The following IGSF22 variants were observed in gnomAD, a reference collection of about 807,000 sequenced individuals.
IGSF22 encodes the protein immunoglobulin superfamily, member 22.
Under a neutral mutation model 127.0 loss-of-function variants are expected in IGSF22, and 119 were observed. The observed-to-expected ratio is 0.94, with a 90% CI of 0.81 to 1.09. The LOEUF is 1.09. IGSF22 is among the 50% of genes least tolerant of loss of function. The pLI, the probability that IGSF22 is intolerant of heterozygous loss-of-function variation, is 0.00. For synonymous variants in IGSF22, 568 were observed against 664.7 expected (o/e 0.85, Z 2.24); for missense variants, 1,518 against 1,716.6 (o/e 0.88, Z 2.04).
rs1401526510 is a variant in IGSF22 at position 18,712,267 on chromosome 11, A to G, written c.2213T>C (p.Val738Ala). 1 of 1,551,566 alleles carries G rather than the reference A, an allele frequency of 6.4e-7. No individual in the cohort carries two copies. The highest frequency in any genetic ancestry group is 8.7e-7 in the Non-Finnish European group (1 of 1,146,984). Residue 738 changes from valine (V) to alanine (A), a missense_variant, in exon 15 of 23, where the codon GTG becomes GCG. Physicochemically the swap from Val to Ala is moderately conservative, Grantham distance 64. Around this residue, in one of 3 missense-constraint regions of IGSF22, gnomAD observed 1,456 missense variants for 1,644.9 expected, o/e 0.89. Coordinates refer to ENST00000513874, the MANE Select transcript of IGSF22 (RefSeq NM_173588.4). ...NGGRPVTQFI[V>A]ERRAVGKKSW... ...CTTCTTGCCAACTGCCCTCCGTTCCACTATGAACTGTGTCACAGGTCGTCC... is the reference window on the plus strand; with the variant it reads ...CTTCTTGCCAACTGCCCTCCGTTCCGCTATGAACTGTGTCACAGGTCGTCC...
In IGSF22 at chr11:18,720,061, C is replaced by T; in HGVS notation, c.518+3G>A. The T allele has an allele frequency of 6.2e-7, 1 of 1,614,072 alleles. No homozygotes were observed. The highest frequency in any genetic ancestry group is 8.5e-7 in the Non-Finnish European group (1 of 1,180,018). On this transcript the variant is annotated splice_donor_region_variant and intron_variant, in intron 6 of 22. Transcript: ENST00000513874. ...CTTGGGCAGAAGGACCTGCCAGCCT[C>T]ACCTCTTCTTCAGCATCTTTTTGAA...
intron 9 of IGSF22, among the ~76,000 whole-genome samples, chr11:18,717,554 C>G (rs1848485428): frequency 6.6e-6 from 1 of 152,062 alleles, no homozygotes; most frequent in Non-Finnish European, 1.5e-5. Context: ...TGCCACCATA[C>G]CTGGCCAATT....
Position 18,709,728 on chromosome 11 carries a change from AC to A in IGSF22, c.2702-46del. The A allele has an allele frequency of 6.4e-7, 1 of 1,569,480 alleles. No individual in the cohort carries two copies. The highest frequency in any genetic ancestry group is 1.2e-5 in the South Asian group (1 of 84,998). On this transcript the variant is annotated intron_variant, in intron 17 of 22. Coordinates refer to ENST00000513874, the MANE Select transcript of IGSF22 (RefSeq NM_173588.4). The surrounding 1 kb of genome is among the most constrained non-coding windows in gnomAD (Gnocchi z 4.8). ...TAGTCAGCCCCTCCAACTCATCTCC[AC>A]TCAATGCCTTGCTCACTTCCCACAC... is the stretch of plus-strand genomic sequence containing the variant.
intron 12 of IGSF22, 23 bp downstream of exon 12, chr11:18,714,477 C>T: frequency 6.2e-7 from 1 of 1,614,218 alleles, no homozygotes; most frequent in Non-Finnish European, 8.5e-7. Context: ...CCTTCACCCC[C>T]TTCCCTGGCC....
rs570369720 is a variant in IGSF22, at chr11:18,709,057, G to T, written c.2998+330C>A. ...GGGAATTGATTTGGGTAATAACTCT[G>T]TCTCCCATACAGCATGGCTGGCCTT... On this transcript the variant is annotated intron_variant, in intron 18 of 22. Coordinates refer to ENST00000513874, the MANE Select transcript of IGSF22 (RefSeq NM_173588.4). This position sits in a 1 kb window ranked among gnomAD's most constrained non-coding sequence, Gnocchi z 4.8. Among the ~76,000 whole-genome samples the T allele has an allele frequency of 2.0e-5, 3 of 152,290 alleles. No homozygotes were observed. The East Asian group carries it at 5.8e-4, about 29-fold the overall frequency.
In IGSF22 at chr11:18,705,987, T is replaced by C; in HGVS notation, c.3740A>G (p.Tyr1247Cys). ...GGCCGTGATGTTGACGTCGCCCTTG[T>C]AGAGGGTCACTGTGGGCCGCGGGTT... ...LGNPRPTVTL[Y>C]KGDVNITANS... The change falls in exon 22 of 23, where the codon TAC becomes TGC. Residue 1247 changes from tyrosine (Y) to cysteine (C), a missense_variant. Physicochemically the swap from Tyr to Cys is radical, Grantham distance 194. Coordinates refer to ENST00000513874, the MANE Select transcript of IGSF22 (RefSeq NM_173588.4). 1 of 1,551,706 alleles carries C rather than the reference T, an allele frequency of 6.4e-7. No individual in the cohort carries two copies. Among genetic ancestry groups the C allele is most frequent in the South Asian group, 1.2e-5 (1 of 84,070 alleles).
chr11:18,725,584 G>T (rs971695206), intron 1 of IGSF22, among the ~76,000 whole-genome samples: 1 of 152,072 alleles, frequency 6.6e-6, no homozygotes, highest in African/African-American at 2.4e-5. Flanking sequence ...GGGACTACAG[G>T]CACCCGCCAT....
At chr11:18,724,976 G>T (rs535604563) in intron 1 of IGSF22, among the ~76,000 whole-genome samples, 1 of 151,304 alleles carries the variant, frequency 6.6e-6, no homozygotes, top group Non-Finnish European at 1.5e-5. Context: ...ATGCAAATAG[G>T]AAAACTCATG....
chr11:18,722,028 C>T lies in IGSF22; in HGVS notation c.123G>A (p.Arg41=). 1 of 1,614,008 alleles carries T rather than the reference C, an allele frequency of 6.2e-7. No homozygotes were observed. The highest frequency in any genetic ancestry group is 8.5e-7 in the Non-Finnish European group (1 of 1,180,044). The change falls in exon 3 of 23, where the codon AGG becomes AGA. Residue 41 remains arginine, a synonymous_variant. Coordinates refer to ENST00000513874, the MANE Select transcript of IGSF22 (RefSeq NM_173588.4). ...ACTCCACTATGCTCGAGGACTTCCT[C>T]CTCACGACCTCCTCTGTGGGGGCAG... ...TTKIVGEEVV[R]RKSSSIVEFF... is the part of the protein sequence containing the mutation.
Position 18,709,705 on chromosome 11 carries a change from G to C in IGSF22, c.2702-22C>G. The C allele has an allele frequency of 3.7e-6, 6 of 1,604,114 alleles. No homozygotes were observed. The highest frequency in any genetic ancestry group is 5.1e-6 in the Non-Finnish European group (6 of 1,173,668). On this transcript the variant is annotated intron_variant, in intron 17 of 22. Coordinates refer to ENST00000513874, the MANE Select transcript of IGSF22 (RefSeq NM_173588.4). This position sits in a 1 kb window ranked among gnomAD's most constrained non-coding sequence, Gnocchi z 4.8. ...GGTTCTGGGGTAGAACAGACATGTA[G>C]TCAGCCCCTCCAACTCATCTCCACT...
Position 18,714,346 on chromosome 11 carries a change from G to A in IGSF22, c.1729C>T (p.Pro577Ser), listed in dbSNP as rs1240465780. 2.5e-6 allele frequency: 4 copies of A among 1,614,096 alleles called. No homozygotes were observed. Among genetic ancestry groups the A allele is most frequent in the Non-Finnish European group, 3.4e-6 (4 of 1,180,032 alleles). Residue 577 changes from proline to serine, a missense_variant, in exon 13 of 23, where the codon CCT becomes TCT. Around this residue, in one of 3 missense-constraint regions of IGSF22, gnomAD observed 1,456 missense variants for 1,644.9 expected, o/e 0.89. Coordinates refer to ENST00000513874, the MANE Select transcript of IGSF22 (RefSeq NM_173588.4). ...VHKLIFPSMG[P>S]EHEGKYTFRA... is the part of the protein sequence containing the mutation. ...AATGTGTACTTGCCCTCGTGCTCAG[G>A]GCCCATACTGGGAAAGATGAGCTTG...
chr11:18,712,021 G>T lies in IGSF22; in HGVS notation c.2398+61C>A, dbSNP rs192130728. On this transcript the variant is annotated intron_variant, in intron 15 of 22. Coordinates refer to ENST00000513874, the MANE Select transcript of IGSF22 (RefSeq NM_173588.4). The stretch of plus-strand genomic sequence containing the variant: ...TCCCCACAGATCAGTGTTCCTTCCT[G>T]GCTTAAGGTCTCCATGCTGACCCCT... 5.7e-6 allele frequency: 8 copies of T among 1,402,082 alleles called. 1 individual carries two copies. The Admixed American group carries it at 1.3e-4, about 22-fold the overall frequency. The allele number at this position is 1,402,082 out of a possible 1,614,324, so 86.9% of individuals were successfully genotyped here. A position where few individuals can be genotyped will look rare whatever the true frequency, so the allele number is the denominator to read the frequency against.
chr11:18,710,740 C>G lies in IGSF22; in HGVS notation c.2487G>C (p.Gly829=). ...TITWNAPTQD[G]GAPVLGYIVE... Reference sequence around the variant, plus strand: ...CAATGTAGCCGAGCACTGGGGCTCCCCCATCCTGGGTAGGGGCATTCCACG... The same window carrying G: ...CAATGTAGCCGAGCACTGGGGCTCCGCCATCCTGGGTAGGGGCATTCCACG... The change falls in exon 16 of 23, where the codon GGG becomes GGC. Residue 829 remains glycine, a synonymous_variant. Coordinates refer to ENST00000513874, the MANE Select transcript of IGSF22 (RefSeq NM_173588.4). 6.2e-7 allele frequency: 1 copy of G among 1,614,158 alleles called. No individual in the cohort carries two copies. The highest frequency in any genetic ancestry group is 8.5e-7 in the Non-Finnish European group (1 of 1,180,006).
chr11:18,722,167 G>A (rs1848586931), intron 2 of IGSF22, 126 bp from the exon 3 acceptor site: 3 of 1,115,732 alleles, frequency 2.7e-6, no homozygotes, highest in Non-Finnish European at 3.9e-6. Context: ...AGTGGGAGCA[G>A]GACCAGCTAC....
intron 11 of IGSF22, among the ~76,000 whole-genome samples, chr11:18,715,024 T>C (rs60836767): frequency 0.76 from 115,434 of 151,272 alleles, 44,241 homozygotes; most frequent in East Asian, 0.82. Context: ...GTGGGATACA[T>C]AGACTGTGGG....
rs757957255 is a variant in IGSF22, at chr11:18,721,616, G to C, written c.297C>G (p.Ser99=). 7 of 1,614,156 alleles carry C rather than the reference G, an allele frequency of 4.3e-6. No individual in the cohort carries two copies. Among genetic ancestry groups the C allele is most frequent in the Non-Finnish European group, 5.9e-6 (7 of 1,179,982 alleles). ...RVQGNAKPHI[S]WKRESGIPIK... ...TGGGGATGCCGCTCTCCCTCTTCCA[G>C]GAGATGTGGGGTTTGGCGTTCCCCT... is the stretch of plus-strand genomic sequence containing the variant. Residue 99 remains serine (S), a synonymous_variant, in exon 4 of 23, where the codon TCC becomes TCG. Coordinates refer to ENST00000513874, the MANE Select transcript of IGSF22 (RefSeq NM_173588.4).
At chr11:18,710,192 C>G in intron 17 of IGSF22, 135 bp downstream of exon 17, 4 of 1,158,628 alleles carry the variant, frequency 3.5e-6, no homozygotes, top group South Asian at 1.5e-5. Flanking sequence ...AATCTTGTCC[C>G]TCTATGAGGC....
intron 14 of IGSF22, 138 bp downstream of exon 14, chr11:18,713,714 G>A: frequency 2.8e-6 from 2 of 714,472 alleles, no homozygotes; most frequent in Non-Finnish European, 4.5e-6. Flanking sequence ...GCTTCTGGCT[G>A]CAAAGCCAGC....
intron 17 of IGSF22, 133 bp downstream of exon 17, chr11:18,710,194 C>T (rs1848324745): frequency 2.5e-6 from 3 of 1,184,546 alleles, no homozygotes; most frequent in Non-Finnish European, 3.6e-6. Flanking sequence ...TCTTGTCCCT[C>T]TATGAGGCTG....
Sources: gnomAD v4.1 joint callset for allele counts (sites outside exome capture counted in the v4.1 genomes callset) on GRCh38, gnomAD v4.1.1 for gene constraint, gnomAD v4.1.1 regional missense constraint, Gnocchi (gnomAD v3.1) non-coding constraint, MANE v1.5 for transcripts, NCBI Gene and HGNC (gene_info 2026-07-23, HGNC 2026-07-21) for gene names.